The following PARD3B variants were observed in gnomAD, a reference collection of about 807,000 sequenced individuals.
PARD3B encodes the protein partitioning defective 3 homolog B.
In PARD3B, 103 loss-of-function variants were observed where a neutral mutation model predicts 130.2. The observed-to-expected ratio is 0.79, with a 90% CI of 0.67 to 0.93. The LOEUF (loss-of-function observed/expected upper bound fraction) is 0.93, where lower values mean the gene tolerates loss of function less well. PARD3B is among the 40% of genes least tolerant of loss of function. The pLI, the probability that PARD3B is intolerant of heterozygous loss-of-function variation, is 0.00. For synonymous variants in PARD3B, 583 were observed against 553.2 expected (o/e 1.05, Z -0.76); for missense variants, 1,609 against 1,499.2 (o/e 1.07, Z -1.21).
rs115674463 is a variant in PARD3B, at chr2:205,028,544, C to T, written c.395-19037C>T. On this transcript the variant is annotated intron_variant, in intron 3 of 22. Coordinates refer to ENST00000406610, the MANE Select transcript of PARD3B (RefSeq NM_001302769.2). The stretch of plus-strand genomic sequence containing the variant: ...AGGTTAACAGGAGCAGACTCATAGT[C>T]GACAGATGGGAGTCTTCAGCCTGAG... 1.2e-3 allele frequency among the ~76,000 whole-genome samples: 182 copies of T among 152,174 alleles called. 5 individuals carry two copies. Among genetic ancestry groups the T allele is most frequent in the African/African-American group, 2.6e-3 (107 of 41,540 alleles).
Position 204,664,476 on chromosome 2 carries a change from G to A in PARD3B, c.121-21705G>A, listed in dbSNP as rs1017472553. On this transcript the variant is annotated intron_variant, in intron 1 of 22. Coordinates refer to ENST00000406610, the MANE Select transcript of PARD3B (RefSeq NM_001302769.2). This position sits in a 1 kb window ranked among gnomAD's most constrained non-coding sequence, Gnocchi z 5.2. ...ACCACCCTCCCTGAAAGTTAGTTACGTTTTGATCATTGGTCTGCTATATTG... is the reference window on the plus strand; with the variant it reads ...ACCACCCTCCCTGAAAGTTAGTTACATTTTGATCATTGGTCTGCTATATTG... 2.0e-5 allele frequency among the ~76,000 whole-genome samples: 3 copies of A among 152,054 alleles called. No individual in the cohort carries two copies. Among genetic ancestry groups the A allele is most frequent in the African/African-American group, 7.2e-5 (3 of 41,428 alleles).
At position 205,587,532 on chromosome 2, in the gene PARD3B, G is replaced by A. The variant is rs115323446; in HGVS notation, c.3261-27924G>A. ...TCCAAATTCCTGACATGTAAGAAAC[G>A]CAGTAATACTAAAAGCTTCTGGTAC... On this transcript the variant is annotated intron_variant, in intron 22 of 22. Transcript: ENST00000406610. Among the ~76,000 whole-genome samples the A allele has an allele frequency of 2.9e-3, 447 of 152,122 alleles. 1 individual carries two copies. Among genetic ancestry groups the A allele is most frequent in the African/African-American group, 0.01 (424 of 41,500 alleles).
intron 15 of PARD3B, among the ~76,000 whole-genome samples, chr2:205,243,310 C>A (rs991047150): frequency 6.6e-6 from 1 of 152,138 alleles, no homozygotes; most frequent in African/African-American, 2.4e-5. Context: ...TTATTAAGTA[C>A]TTATTCTGTT....
chr2:204,550,904 T>C (rs934771387), intron 1 of PARD3B, among the ~76,000 whole-genome samples: 1 of 152,246 alleles, frequency 6.6e-6, no homozygotes, highest in Non-Finnish European at 1.5e-5. Flanking sequence ...GATGCCTTGT[T>C]ACCTAAATAG....
intron 12 of PARD3B, among the ~76,000 whole-genome samples, chr2:205,175,386 C>T (rs370517380): frequency 7.9e-5 from 12 of 152,284 alleles, no homozygotes; most frequent in African/African-American, 2.2e-4. Flanking sequence ...AAAAGTGTTA[C>T]AAGCCTTGAC....
In PARD3B at chr2:205,211,543, A is replaced by C. The variant is rs553408496; in HGVS notation, c.2140+18223A>C. On this transcript the variant is annotated intron_variant, in intron 15 of 22. Coordinates refer to ENST00000406610, the MANE Select transcript of PARD3B (RefSeq NM_001302769.2). ...GTAAATAAACGATAATAACGCAATA[A>C]GTGAATAAAGTTGCTGGAAAGATAT... Among the ~76,000 whole-genome samples the C allele has an allele frequency of 2.0e-5, 3 of 152,250 alleles. No individual in the cohort carries two copies. The South Asian group carries it at 6.2e-4, about 32-fold the overall frequency.
chr2:205,537,501 T>C (rs1357908013), intron 21 of PARD3B, among the ~76,000 whole-genome samples: 3 of 152,322 alleles, frequency 2.0e-5, no homozygotes, highest in Non-Finnish European at 4.4e-5. Flanking sequence ...GGTGAGCATC[T>C]CTCTGAACAC....
intron 16 of PARD3B, among the ~76,000 whole-genome samples, chr2:205,273,966 A>T (rs889352377): frequency 2.0e-5 from 3 of 152,118 alleles, no homozygotes; most frequent in African/African-American, 7.2e-5. Flanking sequence ...GCAGTCCCCC[A>T]GGGGTTGCAG....
Position 205,125,547 on chromosome 2 carries a change from C to G in PARD3B, c.1306-62C>G, listed in dbSNP as rs1349062469. The G allele has an allele frequency of 6.4e-7, 1 of 1,550,402 alleles. No homozygotes were observed. The highest frequency in any genetic ancestry group is 8.8e-7 in the Non-Finnish European group (1 of 1,141,906). ...TTTGCTTCTTGTTTTCAAAAACTAT[C>G]TAGTGTAGAAGGAGATAACAAGTAT... On this transcript the variant is annotated intron_variant, in intron 9 of 22. Coordinates refer to ENST00000406610, the MANE Select transcript of PARD3B (RefSeq NM_001302769.2). The surrounding 1 kb of genome is among the most constrained non-coding windows in gnomAD (Gnocchi z 4.0).
intron 22 of PARD3B, among the ~76,000 whole-genome samples, chr2:205,586,722 A>G (rs1247461403): frequency 1.3e-5 from 2 of 152,150 alleles, no homozygotes; most frequent in Non-Finnish European, 1.5e-5. Context: ...CAATTTTCCT[A>G]TACTTGACAC....
At chr2:205,205,593 C>T (rs1217293625) in intron 15 of PARD3B, among the ~76,000 whole-genome samples, 1 of 151,686 alleles carries the variant, frequency 6.6e-6, no homozygotes, top group Admixed American at 6.6e-5. Flanking sequence ...TGTCATAAAT[C>T]GTTTTTATTA....
chr2:205,184,958 G>A (rs775373676), intron 13 of PARD3B, among the ~76,000 whole-genome samples: 5 of 151,974 alleles, frequency 3.3e-5, no homozygotes, highest in Non-Finnish European at 7.4e-5. Flanking sequence ...ACTTTACCAC[G>A]ATGTTATATA....
rs956860440 is a variant in PARD3B at position 204,602,634 on chromosome 2, G to T, written c.120+56515G>T. 4.6e-5 allele frequency among the ~76,000 whole-genome samples: 7 copies of T among 151,632 alleles called. No individual in the cohort carries two copies. The Admixed American group carries it at 4.6e-4, about 10-fold the overall frequency. ...GTATCCCCAACTCTCATTAATGAGG[G>T]TCCCTATTTAAAAGAGAGATCAAAT... On this transcript the variant is annotated intron_variant, in intron 1 of 22. Coordinates refer to ENST00000406610, the MANE Select transcript of PARD3B (RefSeq NM_001302769.2).
At chr2:204,854,886 T>A (rs1371474051) in intron 2 of PARD3B, among the ~76,000 whole-genome samples, 1 of 151,940 alleles carries the variant, frequency 6.6e-6, no homozygotes, top group African/African-American at 2.4e-5. Context: ...AGGTTTTTAA[T>A]AGGAAGAAAA....
At chr2:205,295,191 A>C (rs2041745217) in intron 16 of PARD3B, among the ~76,000 whole-genome samples, 1 of 152,218 alleles carries the variant, frequency 6.6e-6, no homozygotes, top group Admixed American at 6.5e-5. Context: ...ATTTACAATA[A>C]TTTTGTATTC....
chr2:205,383,994 C>G (rs1182501558), intron 18 of PARD3B, among the ~76,000 whole-genome samples: 1 of 152,048 alleles, frequency 6.6e-6, no homozygotes, highest in Non-Finnish European at 1.5e-5. Context: ...TGGATTGCTC[C>G]TTTGGGACTC....
At chr2:204,982,238 C>T (rs938693914) in intron 3 of PARD3B, among the ~76,000 whole-genome samples, 4 of 152,104 alleles carry the variant, frequency 2.6e-5, no homozygotes, top group African/African-American at 9.7e-5. Flanking sequence ...ACCTTGAAAC[C>T]ACTGTAATTA....
intron 3 of PARD3B, among the ~76,000 whole-genome samples, chr2:205,024,293 A>G (rs970289210): frequency 5.4e-5 from 8 of 147,200 alleles, no homozygotes; most frequent in Admixed American, 1.4e-4. Context: ...TCAGCCTCCC[A>G]AGTAGTTGGG....
Position 204,545,714 on chromosome 2 carries a change from G to C in PARD3B, c.-286G>C. On this transcript the variant is annotated 5_prime_UTR_variant, in exon 1 of 23. Transcript: ENST00000406610. ...CCTGGGCCGGGCAGGAGTAGGAGCGGGAGGAGGAGGAGGAGGAGCCGGTGC... is the reference window on the plus strand; with the variant it reads ...CCTGGGCCGGGCAGGAGTAGGAGCGCGAGGAGGAGGAGGAGGAGCCGGTGC... The C allele has an allele frequency of 7.2e-6, 1 of 138,212 alleles. No individual in the cohort carries two copies. Among genetic ancestry groups the C allele is most frequent in the Non-Finnish European group, 1.1e-5 (1 of 87,204 alleles). The allele number at this position is 138,212 out of a possible 1,614,324, so 8.6% of individuals were successfully genotyped here. A position where few individuals can be genotyped will look rare whatever the true frequency, so the allele number is the denominator to read the frequency against.
Sources: gnomAD v4.1 joint callset for allele counts (sites outside exome capture counted in the v4.1 genomes callset) on GRCh38, gnomAD v4.1.1 for gene constraint, Gnocchi (gnomAD v3.1) non-coding constraint, MANE v1.5 for transcripts, NCBI Gene and HGNC (gene_info 2026-07-23, HGNC 2026-07-21) for gene names.